The following SPTB variants were observed in gnomAD, a reference collection of about 807,000 sequenced individuals.
SPTB encodes the protein spectrin beta chain, erythrocytic.
SPTB carries 45 observed loss-of-function variants against 256.2 expected under a neutral mutation model. The observed-to-expected ratio is 0.18, with a 90% CI of 0.14 to 0.23. The LOEUF (loss-of-function observed/expected upper bound fraction) is 0.23. Ranked by LOEUF, SPTB falls within the 10% of genes least tolerant of loss-of-function variation. The pLI, the probability that SPTB is intolerant of heterozygous loss-of-function variation, is 1.00. For synonymous variants in SPTB, 1,231 were observed against 1,243.1 expected (o/e 0.99, Z 0.21); for missense variants, 2,715 against 3,040.4 (o/e 0.89, Z 2.52).
intron 1 of SPTB, among the ~76,000 whole-genome samples, chr14:64,835,478 T>C (rs889495661): frequency 6.6e-6 from 1 of 152,192 alleles, no homozygotes; most frequent in Non-Finnish European, 1.5e-5. Flanking sequence ...ACTCCTGACC[T>C]CAGATGATCT....
chr14:64,804,843 T>G (rs763720919), intron 3 of SPTB, 96 bp downstream of exon 3: 90 of 1,515,744 alleles, frequency 5.9e-5, no homozygotes, highest in Non-Finnish European at 8.0e-5. Context: ...GAGAGAAAAC[T>G]GGGAAGGCCA....
At chr14:64,797,989 A>C in intron 9 of SPTB, 143 bp from the exon 10 acceptor site, 1 of 744,932 alleles carries the variant, frequency 1.3e-6, no homozygotes. Context: ...ACTAAAGAGA[A>C]TCTGTAGGTC....
intron 1 of SPTB, among the ~76,000 whole-genome samples, chr14:64,840,972 T>C (rs1266918394): frequency 6.6e-6 from 1 of 152,256 alleles, no homozygotes; most frequent in African/African-American, 2.4e-5. Flanking sequence ...GAAGGTAATT[T>C]AAACATTTCT....
chr14:64,829,298 T>C (rs1052851991), intron 1 of SPTB, among the ~76,000 whole-genome samples: 1 of 152,196 alleles, frequency 6.6e-6, no homozygotes, highest in Non-Finnish European at 1.5e-5. Context: ...CTCAGCTTCT[T>C]CAACAAGTTA....
In SPTB at chr14:64,824,118, C is replaced by G. The variant is rs1354316406; in HGVS notation, c.-51-973G>C. On this transcript the variant is annotated intron_variant, in intron 1 of 35. Coordinates refer to ENST00000644917, the MANE Select transcript of SPTB (RefSeq NM_001355436.2). The surrounding 1 kb of genome is among the most constrained non-coding windows in gnomAD (Gnocchi z 5.7). ...GTCATGTCCTCACAGAGCTTGGAAT[C>G]TGGTGGCAGAGACACACAATTAAAC... is the stretch of plus-strand genomic sequence containing the variant. 1.3e-5 allele frequency among the ~76,000 whole-genome samples: 2 copies of G among 152,172 alleles called. No homozygotes were observed. The highest frequency in any genetic ancestry group is 2.9e-5 in the Non-Finnish European group (2 of 68,036).
intron 2 of SPTB, among the ~76,000 whole-genome samples, chr14:64,812,778 T>A (rs2083115763): frequency 6.6e-6 from 1 of 152,168 alleles, no homozygotes; most frequent in Non-Finnish European, 1.5e-5. Flanking sequence ...AACCAAACTG[T>A]AAAGTTGAAG....
chr14:64,848,197 A>T (rs2083723581), intron 1 of SPTB, among the ~76,000 whole-genome samples: 1 of 152,180 alleles, frequency 6.6e-6, no homozygotes, highest in Non-Finnish European at 1.5e-5. Flanking sequence ...AAAGGTAGAA[A>T]TCTGTTTAGA....
chr14:64,773,480 T>C, intron 24 of SPTB, 56 bp from the exon 25 acceptor site: 1 of 1,593,362 alleles, frequency 6.3e-7, no homozygotes, highest in Non-Finnish European at 8.6e-7. Context: ...CCCAGAGCCG[T>C]GGCTCCAGGG....
intron 2 of SPTB, among the ~76,000 whole-genome samples, chr14:64,810,060 A>G (rs913991041): frequency 2.6e-5 from 4 of 152,214 alleles, no homozygotes; most frequent in African/African-American, 9.6e-5. Flanking sequence ...GAATATTCCA[A>G]AAAATAAGAG....
intron 1 of SPTB, among the ~76,000 whole-genome samples, chr14:64,868,662 C>A (rs1882338858): frequency 6.6e-6 from 1 of 152,122 alleles, no homozygotes; most frequent in Admixed American, 6.5e-5. Flanking sequence ...AAAGGAGGGC[C>A]CAGGTCACAG....
intron 1 of SPTB, among the ~76,000 whole-genome samples, chr14:64,837,814 A>T (rs113531859): frequency 0.052 from 7,840 of 152,130 alleles, 624 homozygotes; most frequent in African/African-American, 0.17. Context: ...TTGGCCAGGC[A>T]GGTCTCAAAC....
rs544756232 is a variant in SPTB at position 64,764,158 on chromosome 14, T to G, written c.6345+2568A>C. Among the ~76,000 whole-genome samples the G allele has an allele frequency of 3.9e-5, 6 of 152,300 alleles. No individual in the cohort carries two copies. Among genetic ancestry groups the G allele is most frequent in the Non-Finnish European group, 8.8e-5 (6 of 68,026 alleles). ...CAAGGGGAGGCGCAGCCATTGGCCA[T>G]CCCTTCCTGGGAGAGGCCTGCGGTT... is the stretch of plus-strand genomic sequence containing the variant. On this transcript the variant is annotated intron_variant, in intron 32 of 35. Coordinates refer to ENST00000644917, the MANE Select transcript of SPTB (RefSeq NM_001355436.2). This position sits in a 1 kb window ranked among gnomAD's most constrained non-coding sequence, Gnocchi z 4.2.
intron 5 of SPTB, 108 bp from the exon 6 acceptor site, chr14:64,801,942 C>G (rs1357545371): frequency 3.4e-6 from 4 of 1,176,644 alleles, no homozygotes; most frequent in Non-Finnish European, 5.0e-6. Flanking sequence ...ACTGTCCTTT[C>G]TTGAGCCAGG....
At chr14:64,876,761 A>C (rs1184847050) in intron 1 of SPTB, among the ~76,000 whole-genome samples, 1 of 152,200 alleles carries the variant, frequency 6.6e-6, no homozygotes, top group African/African-American at 2.4e-5. Context: ...TTAAGATTGC[A>C]CTAAAATGAA....
rs886050611 is a variant in SPTB, at chr14:64,766,523, G to A, written c.6345+203C>T. On this transcript the variant is annotated intron_variant, in intron 32 of 35. Coordinates refer to ENST00000644917, the MANE Select transcript of SPTB (RefSeq NM_001355436.2). ...TTTCCTCTGCGCTGTGGGGAGGAGT[G>A]GAGGAGGCTAGTACTCTCATGAAGA... 4.0e-6 allele frequency: 6 copies of A among 1,484,266 alleles called. No homozygotes were observed. The African/African-American group carries it at 5.6e-5, about 14-fold the overall frequency. The allele number at this position is 1,484,266 out of a possible 1,614,324, so 91.9% of individuals were successfully genotyped here. A position where few individuals can be genotyped will look rare whatever the true frequency, so the allele number is the denominator to read the frequency against.
chr14:64,850,238 T>C (rs74450165), intron 1 of SPTB, among the ~76,000 whole-genome samples: 2,058 of 152,254 alleles, frequency 0.014, 18 homozygotes, highest in Middle Eastern at 0.031. Context: ...TGCATCACCA[T>C]TGGGACACAG....
chr14:64,796,593 C>T lies in SPTB; in HGVS notation c.1305G>A (p.Glu435=), dbSNP rs2082773793. 1 of 1,614,154 alleles carries T rather than the reference C, an allele frequency of 6.2e-7. No homozygotes were observed. Residue 435 remains glutamate, a synonymous_variant, in exon 11 of 36, where the codon GAG becomes GAA. Transcript: ENST00000644917. The surrounding 1 kb of genome is among the most constrained non-coding windows in gnomAD (Gnocchi z 4.1). ...GGCGCTGGTTTTCACTGAGCCAGGT[C>T]TCTCTCATTGCGGCCTTCCGGTCAA... ...RRFDRKAAMR[E]TWLSENQRLV...
At chr14:64,782,815 G>GT (rs996577291) in intron 19 of SPTB, among the ~76,000 whole-genome samples, 2 of 111,198 alleles carry the variant, frequency 1.8e-5, no homozygotes, top group African/African-American at 3.6e-5. Context: ...TAGTTGATGA[G>GT]TTAAAAAAAA....
At chr14:64,878,178 GT>G (rs1269328889) in intron 1 of SPTB, among the ~76,000 whole-genome samples, 1 of 152,142 alleles carries the variant, frequency 6.6e-6, no homozygotes, top group Non-Finnish European at 1.5e-5. Flanking sequence ...TTTCATGAGC[GT>G]TTATGTCTTT....
Sources: allele counts gnomAD v4.1 joint callset (sites outside exome capture counted in the v4.1 genomes callset), GRCh38; gene constraint gnomAD v4.1.1; non-coding constraint Gnocchi (gnomAD v3.1); transcripts MANE v1.5; gene names NCBI Gene and HGNC (gene_info 2026-07-23, HGNC 2026-07-21).